Variants in IL1RAPL2 observed in about 807,000 individuals in gnomAD.
The protein encoded by IL1RAPL2 is interleukin 1 receptor accessory protein like 2.
IL1RAPL2 carries 3 observed loss-of-function variants against 44.1 expected under a neutral mutation model. The observed-to-expected ratio is 0.07, with a 90% confidence interval of 0.03 to 0.18. The LOEUF (loss-of-function observed/expected upper bound fraction) is 0.18. Among genes scored for constraint, IL1RAPL2 ranks in the 10% least tolerant of loss-of-function variants. IL1RAPL2 has a pLI of 1.00. For synonymous variants in IL1RAPL2, 181 were observed against 178.8 expected, an observed-to-expected ratio of 1.01 and a Z score of -0.10; for missense variants, 391 against 496.4, an observed-to-expected ratio of 0.79 and a Z score of 2.02.
chrX:105,175,990 TATA>T (rs1311334425), intron 2 of IL1RAPL2, among the ~76,000 whole-genome samples: 5 of 111,091 alleles, frequency 4.5e-5, no homozygotes, highest in Non-Finnish European at 9.4e-5. Context: ...TATTAAATAA[TATA>T]ATAATAACGT....
At chrX:104,981,098 T>C (rs1223436761) in intron 2 of IL1RAPL2, among the ~76,000 whole-genome samples, 1 of 108,921 alleles carries the variant, frequency 9.2e-6, no homozygotes, top group Non-Finnish European at 1.9e-5. Context: ...TGTTTGTGTG[T>C]GTGTGTTATT....
intron 2 of IL1RAPL2, among the ~76,000 whole-genome samples, chrX:105,028,219 T>C (rs2031410828): frequency 9.0e-6 from 1 of 111,047 alleles, no homozygotes; most frequent in Non-Finnish European, 1.9e-5. Flanking sequence ...GGATGGTTAA[T>C]GGGTACAAAA....
chrX:105,227,870 T>A (rs1419203606), intron 3 of IL1RAPL2, among the ~76,000 whole-genome samples: 4 of 112,407 alleles, frequency 3.6e-5, no homozygotes, highest in Non-Finnish European at 7.5e-5. Context: ...AATATACATA[T>A]GTAATTTACC....
At chrX:105,717,343 C>G in intron 6 of IL1RAPL2, 24 bp from the exon 7 acceptor site, 1 of 1,158,011 alleles carries the variant, frequency 8.6e-7, no homozygotes, top group Non-Finnish European at 1.2e-6. Flanking sequence ...GTCATTTGCT[C>G]ATTTCTTTTT....
intron 2 of IL1RAPL2, among the ~76,000 whole-genome samples, chrX:105,146,607 A>T (rs999419968): frequency 1.8e-5 from 2 of 111,725 alleles, no homozygotes; most frequent in Non-Finnish European, 3.8e-5. Flanking sequence ...TAAAGTGTAC[A>T]CTTCAGTGAT....
intron 6 of IL1RAPL2, among the ~76,000 whole-genome samples, chrX:105,603,123 C>T (rs1937277866): frequency 2.7e-5 from 3 of 109,264 alleles, no homozygotes; most frequent in Admixed American, 9.8e-5. Context: ...GAAAGAAATG[C>T]AAAACAACCA....
At chrX:104,778,954 G>T (rs190197814) in intron 2 of IL1RAPL2, among the ~76,000 whole-genome samples, 3 of 110,806 alleles carry the variant, frequency 2.7e-5, no homozygotes, top group Non-Finnish European at 5.7e-5. Flanking sequence ...CAGCTCAGGG[G>T]ACAGATGGAT....
Position 104,921,474 on chromosome X carries a change from C to T in IL1RAPL2, c.82+262479C>T, listed in dbSNP as rs778665148. On this transcript the variant is annotated intron_variant, in intron 2 of 10. Coordinates refer to ENST00000372582, the MANE Select transcript of IL1RAPL2 (RefSeq NM_017416.2). ...GGGCCAACAACATAGCCTCCATTGT[C>T]CCGCCTAGGTGGTTTGTTGATGGCC... 2.7e-5 allele frequency among the ~76,000 whole-genome samples: 3 copies of T among 112,370 alleles called. No homozygotes were observed. In the East Asian group the frequency reaches 8.5e-4, roughly 32 times the overall value.
chrX:105,003,601 T>G (rs1296648464), intron 2 of IL1RAPL2, among the ~76,000 whole-genome samples: 1 of 111,347 alleles, frequency 9.0e-6, no homozygotes, highest in Non-Finnish European at 1.9e-5. Context: ...ATGTTTTGAT[T>G]TCTCTGGAGC....
At chrX:105,743,542 T>C (rs1285018915) in intron 8 of IL1RAPL2, among the ~76,000 whole-genome samples, 1 of 111,725 alleles carries the variant, frequency 9.0e-6, no homozygotes, top group Non-Finnish European at 1.9e-5. Context: ...GTCCATCCTA[T>C]ATAAAATGAT....
chrX:104,746,321 C>G (rs1015746289), intron 2 of IL1RAPL2, among the ~76,000 whole-genome samples: 6 of 111,111 alleles, frequency 5.4e-5, no homozygotes, highest in Non-Finnish European at 9.5e-5. Context: ...ATAATTATCT[C>G]AGATAATGCA....
chrX:105,632,080 T>C (rs1254158325), intron 6 of IL1RAPL2, among the ~76,000 whole-genome samples: 2 of 109,640 alleles, frequency 1.8e-5, no homozygotes, highest in Non-Finnish European at 3.8e-5. Flanking sequence ...TTTCTGCCTA[T>C]GCCTTAAGCC....
intron 5 of IL1RAPL2, among the ~76,000 whole-genome samples, chrX:105,471,053 C>T (rs1411023670): frequency 8.9e-6 from 1 of 112,042 alleles, no homozygotes; most frequent in African/African-American, 3.2e-5. Context: ...TGGGTTCCAT[C>T]CCTAGGAGAA....
chrX:104,930,701 TA>T (rs1924876342), intron 2 of IL1RAPL2, among the ~76,000 whole-genome samples: 1 of 111,807 alleles, frequency 8.9e-6, no homozygotes, highest in African/African-American at 3.3e-5. Flanking sequence ...TGTCTTCTTA[TA>T]ATGATAGATA....
At chrX:105,601,142 T>C (rs1808550578) in intron 6 of IL1RAPL2, among the ~76,000 whole-genome samples, 1 of 111,685 alleles carries the variant, frequency 9.0e-6, no homozygotes, top group Non-Finnish European at 1.9e-5. Context: ...GAGTTAGTTA[T>C]GTATTATGGA....
At chrX:104,722,399 G>A (rs951177426) in intron 2 of IL1RAPL2, among the ~76,000 whole-genome samples, 1 of 111,542 alleles carries the variant, frequency 9.0e-6, no homozygotes, top group Non-Finnish European at 1.9e-5. Context: ...TAGAAACATG[G>A]GATGGGCTGG....
At chrX:104,636,430 T>C (rs1003476561) in intron 1 of IL1RAPL2, among the ~76,000 whole-genome samples, 2 of 112,464 alleles carry the variant, frequency 1.8e-5, no homozygotes, top group African/African-American at 6.5e-5. Flanking sequence ...TGCAGTGCCC[T>C]GCCCCCAGAG....
chrX:104,689,325 G>A (rs939318802), intron 2 of IL1RAPL2, among the ~76,000 whole-genome samples: 4 of 111,412 alleles, frequency 3.6e-5, no homozygotes, highest in Non-Finnish European at 5.6e-5. Flanking sequence ...GCAACCAAAT[G>A]AGGCACATGC....
chrX:104,897,514 G>C (rs1230643677), intron 2 of IL1RAPL2, among the ~76,000 whole-genome samples: 2 of 112,140 alleles, frequency 1.8e-5, no homozygotes, highest in African/African-American at 6.5e-5. Flanking sequence ...TGCTCACAGA[G>C]TCTGCCAAAA....
Sources: gnomAD v4.1 joint callset for allele counts (sites outside exome capture counted in the v4.1 genomes callset) on GRCh38, gnomAD v4.1.1 for gene constraint, MANE v1.5 for transcripts, NCBI Gene and HGNC (gene_info 2026-07-23, HGNC 2026-07-21) for gene names.